The following MYO9A variants were observed in gnomAD, a reference collection of about 807,000 sequenced individuals.
MYO9A encodes the protein unconventional myosin-IXa.
In MYO9A, 103 loss-of-function variants were observed where a neutral mutation model predicts 293.3. The ratio of observed to expected loss-of-function variants is 0.35; its 90% CI spans 0.30 to 0.41. MYO9A has a LOEUF of 0.41. Among genes scored for constraint, MYO9A ranks in the 10% least tolerant of loss-of-function variants. The pLI, the probability that MYO9A is intolerant of heterozygous loss-of-function variation, is 1.00. For missense variants in MYO9A, 2,685 were observed against 3,033.0 expected (o/e 0.89, Z 2.69); for synonymous variants, 1,001 against 1,035.7 (o/e 0.97, Z 0.64).
chr15:71,965,968 C>T (rs2075863808), intron 13 of MYO9A, among the ~76,000 whole-genome samples: 1 of 152,028 alleles, frequency 6.6e-6, no homozygotes, highest in African/African-American at 2.4e-5. Context: ...CCTCCTCCTC[C>T]CAGGTTCAAG....
intron 1 of MYO9A, among the ~76,000 whole-genome samples, chr15:72,114,027 G>A (rs1178742376): frequency 6.6e-6 from 1 of 152,078 alleles, no homozygotes; most frequent in Non-Finnish European, 1.5e-5. Context: ...AGAAAGAAAC[G>A]GTATCTAGGA....
chr15:72,088,266 G>C (rs905974222), intron 1 of MYO9A, among the ~76,000 whole-genome samples: 1 of 152,162 alleles, frequency 6.6e-6, no homozygotes, highest in Admixed American at 6.5e-5. Context: ...TTATTAATAT[G>C]TTCAACTTGA....
intron 4 of MYO9A, among the ~76,000 whole-genome samples, chr15:72,026,804 A>G (rs2077688020): frequency 1.3e-5 from 2 of 152,202 alleles, no homozygotes; most frequent in South Asian, 4.1e-4. Flanking sequence ...ATTGTAAGGG[A>G]TACTATAAAA....
At chr15:72,002,545 T>C (rs996920988) in intron 8 of MYO9A, among the ~76,000 whole-genome samples, 1 of 151,938 alleles carries the variant, frequency 6.6e-6, no homozygotes, top group African/African-American at 2.4e-5. Context: ...AAGAAGAATA[T>C]AGAATATAGA....
chr15:71,909,417 T>G (rs2057768011), intron 19 of MYO9A, among the ~76,000 whole-genome samples: 1 of 152,214 alleles, frequency 6.6e-6, no homozygotes, highest in Non-Finnish European at 1.5e-5. Flanking sequence ...GCATTTGGTG[T>G]TGTCATTGTT....
In MYO9A at chr15:71,916,496, A is replaced by C. The variant is rs770055997; in HGVS notation, c.2563-4T>G. ...AAGAATTTACTTCTAGCAAGTGCTG[A>C]AAGAAGAGAAAAAATAAATTGCTCA... On this transcript the variant is annotated splice_region_variant and splice_polypyrimidine_tract_variant and intron_variant, in intron 18 of 41. Coordinates refer to ENST00000356056, the MANE Select transcript of MYO9A (RefSeq NM_006901.4). The C allele has an allele frequency of 6.3e-7, 1 of 1,589,430 alleles. No individual in the cohort carries two copies. Among genetic ancestry groups the C allele is most frequent in the Non-Finnish European group, 8.5e-7 (1 of 1,173,926 alleles).
rs755552099 is a variant in MYO9A at position 71,899,751 on chromosome 15, G to T, written c.3406C>A (p.Gln1136Lys). The change falls in exon 24 of 42, where the codon CAA becomes AAA. Residue 1136 changes from glutamine (Q) to lysine (K), a missense_variant. Physicochemically the swap from Gln to Lys is moderately conservative, Grantham distance 53 (BLOSUM62 1). Transcript: ENST00000356056. ...WKAYRESKRY[Q>K]EQRKKIILLQ... ...AGGATAATTTTTTTCCTTTGTTCTT[G>T]GTACCTTTTACTTTCCCTGTAGGCT... The T allele has an allele frequency of 6.2e-7, 1 of 1,614,088 alleles. No homozygotes were observed. The highest frequency in any genetic ancestry group is 1.3e-5 in the African/African-American group (1 of 75,014).
intron 1 of MYO9A, among the ~76,000 whole-genome samples, chr15:72,055,885 T>C (rs1461034132): frequency 6.6e-6 from 1 of 152,194 alleles, no homozygotes; most frequent in East Asian, 1.9e-4. Context: ...ATACATTCAC[T>C]ATATGTAAAA....
Position 71,851,305 on chromosome 15 carries a change from G to C in MYO9A, c.6529C>G (p.Leu2177Val). 6.2e-7 allele frequency: 1 copy of C among 1,613,984 alleles called. No individual in the cohort carries two copies. The highest frequency in any genetic ancestry group is 8.5e-7 in the Non-Finnish European group (1 of 1,179,914). ...AGTGTATTGAGATGAGTTCGGGAGA[G>C]TTGATCAATCACAGAGTATACACCA... Reference protein sequence around the residue: ...IRGVYSVIDQLSRTHLNTLER... With the variant: ...IRGVYSVIDQVSRTHLNTLER... The change falls in exon 37 of 42, where the codon CTC becomes GTC. Residue 2177 changes from leucine (L) to valine (V), a missense_variant. Physicochemically the swap from Leu to Val is conservative, Grantham distance 32 (BLOSUM62 1). Around this residue, in one of 10 missense-constraint regions of MYO9A, gnomAD observed 238 missense variants for 269.1 expected, o/e 0.88. Transcript: ENST00000356056.
Position 72,020,955 on chromosome 15 carries a change from T to C in MYO9A, c.1061A>G (p.His354Arg). 6.5e-7 allele frequency: 1 copy of C among 1,548,548 alleles called. No homozygotes were observed. The highest frequency in any genetic ancestry group is 8.6e-7 in the Non-Finnish European group (1 of 1,156,154). The change falls in exon 5 of 42, where the codon CAT (histidine) becomes CGT (arginine). Residue 354 changes from histidine (H) to arginine (R), a missense_variant. His to Arg is a conservative substitution (Grantham distance 29). Transcript: ENST00000356056. ...GASEDERSAF[H>R]LKQPEEYHYL... ...ATGATATTCCTCTGGTTGCTTAAGA[T>C]GGAATGCTGATCTCTCATCTTCACT...
intron 11 of MYO9A, among the ~76,000 whole-genome samples, chr15:71,982,396 T>C (rs960991005): frequency 2.6e-5 from 4 of 152,272 alleles, no homozygotes; most frequent in African/African-American, 9.6e-5. Flanking sequence ...TATAATTTTA[T>C]TATGGTATTA....
intron 11 of MYO9A, among the ~76,000 whole-genome samples, chr15:71,981,526 A>G (rs2076270896): frequency 6.6e-6 from 1 of 152,204 alleles, no homozygotes; most frequent in African/African-American, 2.4e-5. Flanking sequence ...GTATCATTTG[A>G]CAAGTCTATT....
At chr15:71,842,776 C>T (rs7169119) in intron 39 of MYO9A, among the ~76,000 whole-genome samples, 11 of 151,274 alleles carry the variant, frequency 7.3e-5, no homozygotes, top group African/African-American at 2.2e-4. Context: ...AGGAGAATGG[C>T]GTGAACCCAG....
rs184768711 is a variant in MYO9A at position 72,032,813 on chromosome 15, T to C, written c.841-225A>G. On this transcript the variant is annotated intron_variant, in intron 2 of 41. Coordinates refer to ENST00000356056, the MANE Select transcript of MYO9A (RefSeq NM_006901.4). ...AGATCAAGTAGATTTTATTTTGTGC[T>C]ATTCAGTAAAATAAACCATAATTTT... is the stretch of plus-strand genomic sequence containing the variant. 1.9e-4 allele frequency among the ~76,000 whole-genome samples: 29 copies of C among 152,258 alleles called. No homozygotes were observed. In the East Asian group the frequency reaches 5.6e-3, roughly 29 times the overall value.
At chr15:71,841,815 T>C (rs1043926726) in intron 39 of MYO9A, among the ~76,000 whole-genome samples, 1 of 151,338 alleles carries the variant, frequency 6.6e-6, no homozygotes, top group African/African-American at 2.4e-5. Context: ...TTTTTGTTTT[T>C]TTTGTTTTTT....
At chr15:71,838,734 C>T (rs2055034092) in intron 39 of MYO9A, among the ~76,000 whole-genome samples, 1 of 152,110 alleles carries the variant, frequency 6.6e-6, no homozygotes, top group Non-Finnish European at 1.5e-5. Context: ...CTACCACTAC[C>T]AAAGACATCA....
chr15:71,883,894 T>C (rs1306307755), intron 27 of MYO9A, among the ~76,000 whole-genome samples, 158 bp from the exon 28 acceptor site: 2 of 151,544 alleles, frequency 1.3e-5, no homozygotes, highest in African/African-American at 4.8e-5. Flanking sequence ...GCATTTAAAC[T>C]TCACCTGAAA....
intron 2 of MYO9A, 59 bp downstream of exon 2, chr15:72,045,665 C>G: frequency 6.7e-7 from 1 of 1,491,976 alleles, no homozygotes; most frequent in Non-Finnish European, 8.9e-7. Context: ...GGTACACCCC[C>G]CCACCTCAAA....
intron 30 of MYO9A, among the ~76,000 whole-genome samples, chr15:71,878,610 T>C (rs912770508): frequency 6.6e-6 from 1 of 152,194 alleles, no homozygotes. Context: ...GAATGAATAC[T>C]TGAATCATTG....
Sources: gnomAD v4.1 joint callset for allele counts (sites outside exome capture counted in the v4.1 genomes callset) on GRCh38, gnomAD v4.1.1 for gene constraint, gnomAD v4.1.1 regional missense constraint, MANE v1.5 for transcripts, NCBI Gene and HGNC (gene_info 2026-07-23, HGNC 2026-07-21) for gene names.